The following TIMM50 variants were observed in gnomAD, a reference collection of about 807,000 sequenced individuals.
TIMM50 encodes translocase of inner mitochondrial membrane 50.
Under a neutral mutation model 49.6 loss-of-function variants are expected in TIMM50, and 34 were observed. The ratio of observed to expected loss-of-function variants is 0.69; its 90% CI spans 0.52 to 0.91. The LOEUF (loss-of-function observed/expected upper bound fraction) is 0.91, where lower values mean the gene tolerates loss of function less well. TIMM50 is among the 40% of genes least tolerant of loss of function. TIMM50 has a pLI of 0.00. For missense variants in TIMM50, 458 were observed against 477.8 expected (o/e 0.96, Z 0.39); for synonymous variants, 199 against 198.4 (o/e 1.00, Z -0.03).
intron 4 of TIMM50, 114 bp downstream of exon 4, chr19:39,483,270 T>A: frequency 7.2e-7 from 1 of 1,395,664 alleles, no homozygotes; most frequent in Non-Finnish European, 1.0e-6. Flanking sequence ...ACTGGGGAGG[T>A]GGGGGAGCCA....
At chr19:39,487,014 G>T (rs1444092847) in intron 8 of TIMM50, among the ~76,000 whole-genome samples, 1 of 152,072 alleles carries the variant, frequency 6.6e-6, no homozygotes, top group Non-Finnish European at 1.5e-5. Context: ...AAATACGTGG[G>T]CTGTGATCGA....
rs551921740 is a variant in TIMM50 at position 39,489,994 on chromosome 19, C to T, written c.*174C>T. The T allele has an allele frequency of 1.3e-3, 840 of 636,632 alleles. 19 individuals are homozygous for T. In the South Asian group the frequency reaches 0.016, roughly 12 times the overall value. 39.4% of individuals were successfully genotyped at this position (636,632 alleles called of 1,614,324 possible). ...GTCCGGGACTCTTGGGTCATCGTCC[C>T]ACAGTGGCTGATCGGCTGCCAAGCA... On this transcript the variant is annotated 3_prime_UTR_variant, in exon 11 of 11. Coordinates refer to ENST00000607714, the MANE Select transcript of TIMM50 (RefSeq NM_001001563.5).
Position 39,481,912 on chromosome 19 carries a change from T to C in TIMM50, c.138T>C (p.Thr46=), listed in dbSNP as rs745770811. The C allele has an allele frequency of 1.1e-5, 17 of 1,613,808 alleles. No individual in the cohort carries two copies. In the East Asian group the frequency reaches 3.6e-4, roughly 34 times the overall value. ...CAGAGATCGGGAGCCGCGGGAGCAC[T>C]AAGGCGCAAGGGCCACAGCAGCAGC... is the stretch of plus-strand genomic sequence containing the variant. The part of the protein sequence containing the change: ...QAAEIGSRGS[T]KAQGPQQQPG... The change falls in exon 2 of 11, where the codon ACT becomes ACC. Residue 46 remains threonine (T), a synonymous_variant. Transcript: ENST00000607714.
intron 3 of TIMM50, 44 bp downstream of exon 3, chr19:39,482,960 G>A: frequency 7.4e-6 from 12 of 1,614,108 alleles, no homozygotes; most frequent in Non-Finnish European, 1.0e-5. Context: ...GTCCTAGTCT[G>A]TGGGTGAGAG....
rs757263916 is a variant in TIMM50 at position 39,486,287 on chromosome 19, G to T, written c.593G>T (p.Gly198Val). The change falls in exon 7 of 11, where the codon GGC becomes GTC. Residue 198 changes from glycine (G) to valine (V), a missense_variant. Physicochemically the swap from Gly to Val is moderately radical, Grantham distance 109. Transcript: ENST00000607714. ...YEIVIFTSET[G>V]MTAFPLIDSV... ...ATTGTCATCTTTACGTCAGAGACTG[G>T]CATGGTGAGGCTCTGGGGCAGGGGA... 3 of 1,613,850 alleles carry T rather than the reference G, an allele frequency of 1.9e-6. No homozygotes were observed. The highest frequency in any genetic ancestry group is 1.7e-5 in the Admixed American group (1 of 60,004).
chr19:39,486,697 G>T (rs1341976978), intron 8 of TIMM50, among the ~76,000 whole-genome samples: 2 of 152,174 alleles, frequency 1.3e-5, no homozygotes, highest in African/African-American at 2.4e-5. Context: ...GTGTGGGAGT[G>T]GGGGGAAATG....
chr19:39,481,074 C>T (rs566724251), intron 1 of TIMM50, 113 bp downstream of exon 1: 2 of 1,334,796 alleles, frequency 1.5e-6, no homozygotes, highest in South Asian at 1.5e-5. Context: ...CTGAATGAAA[C>T]GCCGCTTGTG....
At chr19:39,489,643 T>C (rs1400958211) in intron 10 of TIMM50, 76 bp from the exon 11 acceptor site, 7 of 1,357,900 alleles carry the variant, frequency 5.2e-6, no homozygotes, top group Non-Finnish European at 7.1e-6. Flanking sequence ...GGCTGAGGCC[T>C]GGGGACCTGG....
intron 3 of TIMM50, 51 bp downstream of exon 3, chr19:39,482,967 A>G (rs1399384249): frequency 8.7e-6 from 14 of 1,613,756 alleles, no homozygotes; most frequent in Non-Finnish European, 1.2e-5. Flanking sequence ...TCTGTGGGTG[A>G]GAGGGGTCCC....
chr19:39,485,330 A>G, intron 4 of TIMM50: 1 of 606,874 alleles, frequency 1.6e-6, no homozygotes, highest in Non-Finnish European at 2.9e-6. Context: ...GTATGTGGAT[A>G]TAAGTATCAG....
rs200176121 is a variant in TIMM50 at position 39,486,399 on chromosome 19, T to G, written c.600T>G (p.Thr200=). 4.3e-5 allele frequency: 70 copies of G among 1,614,186 alleles called. No individual in the cohort carries two copies. The highest frequency in any genetic ancestry group is 2.7e-4 in the Admixed American group (16 of 60,026). ...TCTCGCTCCCTTCCCACCCCCAGAC[T>G]GCGTTTCCACTCATTGATAGTGTGG... ...IVIFTSETGM[T]AFPLIDSVDP... The change falls in exon 8 of 11, where the codon ACT becomes ACG. Residue 200 remains threonine, a splice_region_variant and synonymous_variant. Transcript: ENST00000607714.
At position 39,489,853 on chromosome 19, in the gene TIMM50, C is replaced by T. The variant is rs1311637248; in HGVS notation, c.*33C>T. 1.3e-6 allele frequency: 2 copies of T among 1,571,188 alleles called. No individual in the cohort carries two copies. Among genetic ancestry groups the T allele is most frequent in the Admixed American group, 1.8e-5 (1 of 54,084 alleles). ...GCCTCCTCAAACTCAGTGCCTGGGT[C>T]CAGGGCCCCAGTGCTTCCAGACCAA... On this transcript the variant is annotated 3_prime_UTR_variant, in exon 11 of 11. Coordinates refer to ENST00000607714, the MANE Select transcript of TIMM50 (RefSeq NM_001001563.5).
In TIMM50 at chr19:39,480,924, C is replaced by G. The variant is rs559860803; in HGVS notation, c.71C>G (p.Thr24Arg). The G allele has an allele frequency of 2.2e-5, 35 of 1,587,692 alleles. No homozygotes were observed. Among genetic ancestry groups the G allele is most frequent in the African/African-American group, 2.1e-4 (16 of 74,602 alleles). ...CGGCTCGGCTCGCGGGGACTGTGCA[C>G]GAGGTTGGCGACGCCGCCCCGCCGG... The part of the protein sequence containing the change: ...GLRLGSRGLC[T>R]RLATPPRRAP... The change falls in exon 1 of 11, where the codon ACG (threonine) becomes AGG (arginine). Residue 24 changes from threonine (T) to arginine (R), a missense_variant. Physicochemically the swap from Thr to Arg is moderately conservative, Grantham distance 71. Coordinates refer to ENST00000607714, the MANE Select transcript of TIMM50 (RefSeq NM_001001563.5).
At chr19:39,485,993 G>A (rs2146156085) in intron 6 of TIMM50, 186 bp downstream of exon 6, 1 of 1,121,944 alleles carries the variant, frequency 8.9e-7, no homozygotes, top group East Asian at 2.4e-5. Context: ...GTGTAGGTGT[G>A]CCCAGGCACG....
In TIMM50 at chr19:39,490,457, T is replaced by C. The variant is rs1328203528; in HGVS notation, c.*637T>C. On this transcript the variant is annotated 3_prime_UTR_variant, in exon 11 of 11. Coordinates refer to ENST00000607714, the MANE Select transcript of TIMM50 (RefSeq NM_001001563.5). ...GATGTGATCTTAGCTTACAACAGCC[T>C]TGACCTCCCGGCTCAAGTGATCTCC... The C allele has an allele frequency of 1.3e-5, 2 of 149,022 alleles. No homozygotes were observed. The allele number at this position is 149,022 out of a possible 1,614,324, so 9.2% of individuals were successfully genotyped here. A position where few individuals can be genotyped will look rare whatever the true frequency, so the allele number is the denominator to read the frequency against.
rs2079553614 is a variant in TIMM50 at position 39,492,722 on chromosome 19, T to G, written c.*2902T>G. ...TCTCTACTAAAAAAATACAAATAAA[T>G]TAGCTGGGCATGGTGGTGGGTGCCT... On this transcript the variant is annotated 3_prime_UTR_variant, in exon 11 of 11. Coordinates refer to ENST00000607714, the MANE Select transcript of TIMM50 (RefSeq NM_001001563.5). 1 of 151,198 alleles carries G rather than the reference T, an allele frequency of 6.6e-6. No homozygotes were observed. The highest frequency in any genetic ancestry group is 1.5e-5 in the Non-Finnish European group (1 of 67,796). The allele number at this position is 151,198 out of a possible 1,614,324, so 9.4% of individuals were successfully genotyped here.
chr19:39,485,932 C>T (rs746017763), intron 6 of TIMM50, 125 bp downstream of exon 6: 2 of 1,403,586 alleles, frequency 1.4e-6, no homozygotes, highest in South Asian at 2.5e-5. Flanking sequence ...CATTGCCTCG[C>T]TTTCTTCAGC....
intron 2 of TIMM50, 124 bp from the exon 3 acceptor site, chr19:39,482,761 C>A (rs2079481147): frequency 7.6e-7 from 1 of 1,318,134 alleles, no homozygotes; most frequent in Non-Finnish European, 1.1e-6. Flanking sequence ...CCTGGCTTGA[C>A]TCCAGGAGGC....
In TIMM50 at chr19:39,482,876, C is replaced by T; in HGVS notation, c.260-9C>T. On this transcript the variant is annotated splice_polypyrimidine_tract_variant and intron_variant, in intron 2 of 10. Coordinates refer to ENST00000607714, the MANE Select transcript of TIMM50 (RefSeq NM_001001563.5). Reference sequence around the variant, plus strand: ...TAATTCCTCATATTCATCCTGGTCTCCCTTGCAGGAAACAACCCGGTGGAC... The same window carrying T: ...TAATTCCTCATATTCATCCTGGTCTTCCTTGCAGGAAACAACCCGGTGGAC... 6.2e-7 allele frequency: 1 copy of T among 1,614,096 alleles called. No homozygotes were observed.
Sources: gnomAD v4.1 joint callset for allele counts (sites outside exome capture counted in the v4.1 genomes callset) on GRCh38, gnomAD v4.1.1 for gene constraint, MANE v1.5 for transcripts, NCBI Gene and HGNC (gene_info 2026-07-23, HGNC 2026-07-21) for gene names.